PRRG4: variants seen among roughly 807,000 people sequenced by gnomAD.
PRRG4 encodes proline rich and Gla domain 4.
A neutral mutation model predicts 20.0 loss-of-function variants in PRRG4; 12 were observed. The observed-to-expected ratio is 0.60, with a 90% CI of 0.38 to 0.97. PRRG4 has a LOEUF of 0.97. Ranked by LOEUF, PRRG4 falls within the 50% of genes least tolerant of loss-of-function variation. PRRG4 has a pLI of 0.00. For synonymous variants in PRRG4, 94 were observed against 96.4 expected (o/e 0.98, Z 0.15); for missense variants, 199 against 265.1 (o/e 0.75, Z 1.73).
rs1037544157 is a variant in PRRG4 at position 32,833,823 on chromosome 11, G to A, written c.104-2835G>A. ...AGGAGAACAGAGTGGTAACAAATAA[G>A]TAAAGCATATAGAAAACCAGATGGT... On this transcript the variant is annotated intron_variant, in intron 2 of 5. Coordinates refer to ENST00000257836, the MANE Select transcript of PRRG4 (RefSeq NM_024081.6). Among the ~76,000 whole-genome samples the A allele has an allele frequency of 3.3e-5, 5 of 150,390 alleles. No homozygotes were observed. In the Middle Eastern group the frequency reaches 0.01, roughly 309 times the overall value.
chr11:32,855,296 G>C lies in PRRG4; in HGVS notation c.*1769G>C, dbSNP rs1249904969. On this transcript the variant is annotated 3_prime_UTR_variant, in exon 6 of 6. Coordinates refer to ENST00000257836, the MANE Select transcript of PRRG4 (RefSeq NM_024081.6). ...CAAATTTATCTGGGTGGGTATGTAG[G>C]TATATGTGAGTTTGTTTCCTCTTCC... The C allele has an allele frequency of 6.6e-6, 1 of 152,044 alleles. No individual in the cohort carries two copies. The highest frequency in any genetic ancestry group is 1.5e-5 in the Non-Finnish European group (1 of 68,004). The allele number at this position is 152,044 out of a possible 1,614,324, so 9.4% of individuals were successfully genotyped here. A position where few individuals can be genotyped will look rare whatever the true frequency, so the allele number is the denominator to read the frequency against.
Position 32,856,041 on chromosome 11 carries a change from A to G in PRRG4, c.*2514A>G, listed in dbSNP as rs1370344399. 6.6e-6 allele frequency: 1 copy of G among 152,244 alleles called. No individual in the cohort carries two copies. The highest frequency in any genetic ancestry group is 1.5e-5 in the Non-Finnish European group (1 of 68,042). The allele number at this position is 152,244 out of a possible 1,614,324, so 9.4% of individuals were successfully genotyped here. ...TCTAAGTTTGGGACAGAAATTTACA[A>G]GCATTTCTCATATATACATACATTT... On this transcript the variant is annotated 3_prime_UTR_variant, in exon 6 of 6. Coordinates refer to ENST00000257836, the MANE Select transcript of PRRG4 (RefSeq NM_024081.6).
intron 5 of PRRG4, among the ~76,000 whole-genome samples, chr11:32,845,343 C>T (rs897887338): frequency 6.6e-6 from 1 of 152,032 alleles, no homozygotes; most frequent in Non-Finnish European, 1.5e-5. Context: ...AGAGAACACT[C>T]GGCTGGGTGC....
chr11:32,852,911 T>C (rs2133452598), intron 5 of PRRG4, among the ~76,000 whole-genome samples: 1 of 150,546 alleles, frequency 6.6e-6, no homozygotes, highest in East Asian at 2.0e-4. Context: ...TAGCTGAGAC[T>C]ACAGGCACCC....
intron 3 of PRRG4, among the ~76,000 whole-genome samples, chr11:32,838,022 G>A (rs1413539516): frequency 1.3e-5 from 2 of 152,104 alleles, no homozygotes; most frequent in African/African-American, 4.8e-5. Flanking sequence ...GTGTAGTTGT[G>A]TCTGTTGGAA....
In PRRG4 at chr11:32,854,253, C is replaced by T. The variant is rs1442152762; in HGVS notation, c.*726C>T. The stretch of plus-strand genomic sequence containing the variant: ...TATTAAAAAAGCAAGGATGTCTAAC[C>T]ATTAAGATTATCCAAAGTCAGGCTG... On this transcript the variant is annotated 3_prime_UTR_variant, in exon 6 of 6. Transcript: ENST00000257836. 6.6e-6 allele frequency: 1 copy of T among 152,118 alleles called. No homozygotes were observed. Among genetic ancestry groups the T allele is most frequent in the African/African-American group, 2.4e-5 (1 of 41,422 alleles). 9.4% of individuals were successfully genotyped at this position (152,118 alleles called of 1,614,324 possible). A position where few individuals can be genotyped will look rare whatever the true frequency, so the allele number is the denominator to read the frequency against.
chr11:32,850,864 G>A (rs1219698707), intron 5 of PRRG4, among the ~76,000 whole-genome samples: 5 of 152,138 alleles, frequency 3.3e-5, no homozygotes, highest in African/African-American at 1.2e-4. Context: ...GAGGTCAGGA[G>A]TTCAAAACCA....
intron 5 of PRRG4, among the ~76,000 whole-genome samples, chr11:32,845,123 A>T (rs539742563): frequency 2.0e-5 from 3 of 152,094 alleles, no homozygotes; most frequent in Non-Finnish European, 4.4e-5. Context: ...AATAAAAAAA[A>T]TCTCCCTTAG....
intron 5 of PRRG4, among the ~76,000 whole-genome samples, chr11:32,847,192 T>C (rs950132473): frequency 6.6e-6 from 1 of 151,864 alleles, no homozygotes; most frequent in African/African-American, 2.4e-5. Flanking sequence ...CAGGCTGGAG[T>C]GCAATGGCAA....
chr11:32,843,286 C>T (rs988903720), intron 5 of PRRG4, among the ~76,000 whole-genome samples: 5 of 151,852 alleles, frequency 3.3e-5, no homozygotes, highest in African/African-American at 9.7e-5. Flanking sequence ...TTTTTGCCTA[C>T]AAAAGTAATA....
chr11:32,836,104 A>AAAT lies in PRRG4; in HGVS notation c.104-535_104-533dup, dbSNP rs562216968. Among the ~76,000 whole-genome samples the AAAT allele has an allele frequency of 2.0e-4, 30 of 151,924 alleles. No individual in the cohort carries two copies. The East Asian group carries it at 2.7e-3, about 14-fold the overall frequency. ...GTGACAGAGTGAGGCCCCCTCTCAA[A>AAAT]AATAATAATAATAATAATAATTAAT... On this transcript the variant is annotated intron_variant, in intron 2 of 5. Transcript: ENST00000257836.
rs1394870997 is a variant in PRRG4, at chr11:32,853,453, C to G, written c.607C>G (p.Pro203Ala). The change falls in exon 6 of 6, where the codon CCA becomes GCA. Residue 203 changes from proline (P) to alanine (A), a missense_variant. Physicochemically the swap from Pro to Ala is conservative, Grantham distance 27. Coordinates refer to ENST00000257836, the MANE Select transcript of PRRG4 (RefSeq NM_024081.6). ...GCTGACCAGAAAACACAGTGTTTCACCACCACCACCATATCCTGGGCACAC... is the reference window on the plus strand; with the variant it reads ...GCTGACCAGAAAACACAGTGTTTCAGCACCACCACCATATCCTGGGCACAC... ...VALTRKHSVS[P>A]PPPYPGHTKG... 1 of 1,613,410 alleles carries G rather than the reference C, an allele frequency of 6.2e-7. No individual in the cohort carries two copies. Among genetic ancestry groups the G allele is most frequent in the African/African-American group, 1.3e-5 (1 of 74,898 alleles).
rs747191600 is a variant in PRRG4 at position 32,853,487 on chromosome 11, T to A, written c.641T>A (p.Phe214Tyr). The A allele has an allele frequency of 5.0e-6, 8 of 1,613,972 alleles. No homozygotes were observed. Among genetic ancestry groups the A allele is most frequent in the African/African-American group, 1.3e-5 (1 of 74,992 alleles). The change falls in exon 6 of 6, where the codon TTT becomes TAT. Residue 214 changes from phenylalanine (F) to tyrosine (Y), a missense_variant. Physicochemically the swap from Phe to Tyr is conservative, Grantham distance 22. Transcript: ENST00000257836. ...PPPYPGHTKG[F>Y]RVFKKSMSLP... ...CCATATCCTGGGCACACAAAAGGAT[T>A]TAGGGTATTTAAAAAATCTATGTCT...
chr11:32,839,809 AT>A (rs1232840599), intron 4 of PRRG4, among the ~76,000 whole-genome samples: 2 of 146,786 alleles, frequency 1.4e-5, no homozygotes, highest in East Asian at 3.9e-4. Context: ...TATAAATAGT[AT>A]ATTTTAAATA....
intron 5 of PRRG4, among the ~76,000 whole-genome samples, chr11:32,852,939 A>ATTTTTT (rs34615143): frequency 1.2e-4 from 12 of 99,120 alleles, no homozygotes; most frequent in Non-Finnish European, 1.7e-4. Context: ...TGCCCGGCTA[A>ATTTTTT]TTTTTTTTTT....
chr11:32,852,208 C>T (rs1037821963), intron 5 of PRRG4, among the ~76,000 whole-genome samples: 1 of 152,166 alleles, frequency 6.6e-6, no homozygotes, highest in East Asian at 1.9e-4. Context: ...TGAGAACTTA[C>T]TGCCCATGCA....
Position 32,850,760 on chromosome 11 carries a change from C to T in PRRG4, c.450-2536C>T, listed in dbSNP as rs192928166. 1.3e-3 allele frequency among the ~76,000 whole-genome samples: 201 copies of T among 152,148 alleles called. 5 individuals are homozygous for T. The highest frequency in any genetic ancestry group is 0.013 in the Admixed American group (193 of 15,270). On this transcript the variant is annotated intron_variant, in intron 5 of 5. Coordinates refer to ENST00000257836, the MANE Select transcript of PRRG4 (RefSeq NM_024081.6). The stretch of plus-strand genomic sequence containing the variant: ...TAAGATCATCGTCAGAAAAGTTTGC[C>T]TCATTCATCTGTAAAAACAAGCCAA...
At chr11:32,836,529 A>T (rs933416121) in intron 2 of PRRG4, 129 bp from the exon 3 acceptor site, 7 of 455,264 alleles carry the variant, frequency 1.5e-5, no homozygotes, top group African/African-American at 1.4e-4. Context: ...GTTAGATTTT[A>T]AAACTTTACA....
chr11:32,857,568 A>G lies in PRRG4; in HGVS notation c.*4041A>G, dbSNP rs900378502. ...TCTTAGGTTTCAAGTTTGCCTCTAAAATTCTAATCCATATTTTTCTACTTC... is the reference window on the plus strand; with the variant it reads ...TCTTAGGTTTCAAGTTTGCCTCTAAGATTCTAATCCATATTTTTCTACTTC... On this transcript the variant is annotated 3_prime_UTR_variant, in exon 6 of 6. Coordinates refer to ENST00000257836, the MANE Select transcript of PRRG4 (RefSeq NM_024081.6). 1 of 152,192 alleles carries G rather than the reference A, an allele frequency of 6.6e-6. No homozygotes were observed. The highest frequency in any genetic ancestry group is 1.5e-5 in the Non-Finnish European group (1 of 68,026). 9.4% of individuals were successfully genotyped at this position (152,192 alleles called of 1,614,324 possible). A position where few individuals can be genotyped will look rare whatever the true frequency, so the allele number is the denominator to read the frequency against.
Sources: gnomAD v4.1 joint callset for allele counts (sites outside exome capture counted in the v4.1 genomes callset) on GRCh38, gnomAD v4.1.1 for gene constraint, MANE v1.5 for transcripts, NCBI Gene and HGNC (gene_info 2026-07-23, HGNC 2026-07-21) for gene names.